Variants in GLRA3 observed in about 807,000 individuals in gnomAD.
GLRA3 encodes the protein glycine receptor alpha 3, also known as glycine receptor subunit alpha-3.
GLRA3 carries 44 observed loss-of-function variants against 60.4 expected under a neutral mutation model. The observed-to-expected ratio is 0.73, with a 90% CI of 0.57 to 0.94. The LOEUF is 0.94. Among genes scored for constraint, GLRA3 ranks in the 40% least tolerant of loss-of-function variants. The pLI, the probability that GLRA3 is intolerant of heterozygous loss-of-function variation, is 0.00. For synonymous variants in GLRA3, 223 were observed against 192.9 expected, an observed-to-expected ratio of 1.16 and a Z score of -1.29; for missense variants, 508 against 564.6, an observed-to-expected ratio of 0.90 and a Z score of 1.02.
intron 1 of GLRA3, among the ~76,000 whole-genome samples, chr4:174,797,619 C>T (rs934633655): frequency 2.6e-5 from 4 of 152,038 alleles, no homozygotes; most frequent in Admixed American, 2.6e-4. Context: ...ACATCAAAAT[C>T]TAACAATAAT....
chr4:174,644,405 AT>A (rs35207319), intron 9 of GLRA3, among the ~76,000 whole-genome samples: 67,795 of 143,890 alleles, frequency 0.47, 16,984 homozygotes, highest in Non-Finnish European at 0.57. Context: ...CATAAACTAG[AT>A]TTTTTTTTTT....
At chr4:174,706,772 T>C (rs1735536755) in intron 5 of GLRA3, among the ~76,000 whole-genome samples, 1 of 152,130 alleles carries the variant, frequency 6.6e-6, no homozygotes, top group Non-Finnish European at 1.5e-5. Context: ...AAAGGGGTGA[T>C]AAAGAATTTT....
intron 2 of GLRA3, among the ~76,000 whole-genome samples, chr4:174,780,715 G>A (rs1407752104): frequency 6.6e-6 from 1 of 151,390 alleles, no homozygotes; most frequent in Non-Finnish European, 1.5e-5. Flanking sequence ...AAGAGACAAA[G>A]AAGGCCATTA....
At chr4:174,662,951 C>G (rs541130457) in intron 7 of GLRA3, among the ~76,000 whole-genome samples, 1 of 151,096 alleles carries the variant, frequency 6.6e-6, no homozygotes, top group South Asian at 2.1e-4. Flanking sequence ...AGTGAATGGA[C>G]AGATAAATGA....
intron 3 of GLRA3, among the ~76,000 whole-genome samples, chr4:174,731,254 G>C (rs1012600054): frequency 1.3e-5 from 2 of 152,022 alleles, no homozygotes; most frequent in African/African-American, 4.8e-5. Context: ...ATTCTTCATA[G>C]CCACAGTATC....
At chr4:174,724,495 T>C (rs1164983597) in intron 4 of GLRA3, among the ~76,000 whole-genome samples, 2 of 152,164 alleles carry the variant, frequency 1.3e-5, no homozygotes, top group African/African-American at 4.8e-5. Flanking sequence ...ATCTCATTTG[T>C]TTCTTTCATT....
In GLRA3 at chr4:174,662,823, GT is replaced by G. The variant is rs56099276; in HGVS notation, c.928-3627del. 8.8e-3 allele frequency among the ~76,000 whole-genome samples: 1,128 copies of G among 127,502 alleles called. 14 individuals are homozygous for G. Among genetic ancestry groups the G allele is most frequent in the African/African-American group, 0.028 (953 of 34,208 alleles). The allele number at this position is 127,502 out of a possible 152,430, so 83.6% of individuals were successfully genotyped here. A position where few individuals can be genotyped will look rare whatever the true frequency, so the allele number is the denominator to read the frequency against. On this transcript the variant is annotated intron_variant, in intron 7 of 9. Coordinates refer to ENST00000274093, the MANE Select transcript of GLRA3 (RefSeq NM_006529.4). Reference sequence around the variant, plus strand: ...CATTGCATTGGAATTGTTATTCCTTGTTTTTTTTTTTTTCTTTTTTTTTTTT... The same window carrying G: ...CATTGCATTGGAATTGTTATTCCTTGTTTTTTTTTTTTCTTTTTTTTTTTT...
chr4:174,672,176 T>C (rs1733932142), intron 7 of GLRA3, among the ~76,000 whole-genome samples: 1 of 152,086 alleles, frequency 6.6e-6, no homozygotes, highest in Non-Finnish European at 1.5e-5. Context: ...TTAGTAGCTG[T>C]TTTCAATGAG....
chr4:174,737,513 T>G (rs574366577), intron 3 of GLRA3, among the ~76,000 whole-genome samples: 1 of 128,978 alleles, frequency 7.8e-6, no homozygotes, highest in East Asian at 2.1e-4. Context: ...TTTTTTGTGG[T>G]TTTTTGTTGT....
intron 6 of GLRA3, among the ~76,000 whole-genome samples, chr4:174,681,489 A>G (rs1401965828): frequency 6.6e-6 from 1 of 152,176 alleles, no homozygotes; most frequent in Non-Finnish European, 1.5e-5. Context: ...GGAAATTTGG[A>G]CATGGAAACA....
chr4:174,655,132 A>G (rs1431244818), intron 9 of GLRA3, among the ~76,000 whole-genome samples: 2 of 152,132 alleles, frequency 1.3e-5, no homozygotes, highest in Non-Finnish European at 2.9e-5. Flanking sequence ...ACTGAAGAAA[A>G]TTCATGTAAA....
chr4:174,686,660 C>T (rs534273832), intron 5 of GLRA3, among the ~76,000 whole-genome samples: 5 of 152,184 alleles, frequency 3.3e-5, no homozygotes, highest in South Asian at 4.2e-4. Flanking sequence ...GCATTTAGCG[C>T]GGGGTTCTGT....
In GLRA3 at chr4:174,677,207, C is replaced by G. The variant is rs777022901; in HGVS notation, c.798G>C (p.Leu266=). 2.0e-5 allele frequency: 33 copies of G among 1,612,026 alleles called. No homozygotes were observed. Among genetic ancestry groups the G allele is most frequent in the Non-Finnish European group, 2.6e-5 (31 of 1,178,270 alleles). ...ATGAAACCCAGGATAGAATAACAATCAGGAGACTGGGAATGTACATCTGGA... is the reference window on the plus strand; with the variant it reads ...ATGAAACCCAGGATAGAATAACAATGAGGAGACTGGGAATGTACATCTGGA... ...YLIQMYIPSL[L]IVILSWVSFW... is the part of the protein sequence containing the mutation. The change falls in exon 7 of 10, where the codon CTG becomes CTC. Residue 266 remains leucine (L), a synonymous_variant. Transcript: ENST00000274093.
At chr4:174,789,492 A>G (rs1336809647) in intron 1 of GLRA3, among the ~76,000 whole-genome samples, 10 of 152,206 alleles carry the variant, frequency 6.6e-5, no homozygotes, top group African/African-American at 2.4e-4. Flanking sequence ...CCTACATGTC[A>G]TTAGTCTACA....
chr4:174,815,760 T>G (rs1261596006), intron 1 of GLRA3, among the ~76,000 whole-genome samples: 1 of 152,190 alleles, frequency 6.6e-6, no homozygotes, highest in East Asian at 1.9e-4. Flanking sequence ...GATCCTGGGC[T>G]GAACCACAAA....
intron 9 of GLRA3, among the ~76,000 whole-genome samples, chr4:174,649,610 T>C (rs1365334977): frequency 6.6e-6 from 1 of 152,166 alleles, no homozygotes; most frequent in African/African-American, 2.4e-5. Context: ...TAATTCTCTC[T>C]AGAATAGCCT....
intron 3 of GLRA3, among the ~76,000 whole-genome samples, chr4:174,734,281 C>T (rs1736681922): frequency 6.6e-6 from 1 of 152,178 alleles, no homozygotes; most frequent in African/African-American, 2.4e-5. Flanking sequence ...TATAGGTTCC[C>T]ATGCGTCAGG....
At chr4:174,676,953 A>T in intron 7 of GLRA3, 125 bp downstream of exon 7, 1 of 627,356 alleles carries the variant, frequency 1.6e-6, no homozygotes, top group South Asian at 2.1e-5. Context: ...GTTATATATT[A>T]CTTTAAAAAC....
intron 3 of GLRA3, among the ~76,000 whole-genome samples, chr4:174,751,503 T>A (rs1433145967): frequency 6.6e-6 from 1 of 152,026 alleles, no homozygotes; most frequent in African/African-American, 2.4e-5. Context: ...AAAAATAACA[T>A]CAAAGAATAA....
Sources: allele counts gnomAD v4.1 joint callset (sites outside exome capture counted in the v4.1 genomes callset), GRCh38; gene constraint gnomAD v4.1.1; transcripts MANE v1.5; gene names NCBI Gene and HGNC (gene_info 2026-07-23, HGNC 2026-07-21).